FGF14: variants seen among roughly 807,000 people sequenced by gnomAD.
FGF14 encodes fibroblast growth factor 14.
Under a neutral mutation model 25.5 loss-of-function variants are expected in FGF14, and 5 were observed. The ratio of observed to expected loss-of-function variants is 0.20; its 90% CI spans 0.10 to 0.41. FGF14 has a LOEUF of 0.41. Among genes scored for constraint, FGF14 ranks in the 10% least tolerant of loss-of-function variants. The pLI is 1.00. For synonymous variants in FGF14, 138 were observed against 118.3 expected (o/e 1.17, Z -1.08); for missense variants, 222 against 320.1 (o/e 0.69, Z 2.34).
intron 1 of FGF14, among the ~76,000 whole-genome samples, chr13:101,884,062 C>CAAAAAAA (rs11315735): frequency 5.0e-4 from 19 of 37,828 alleles, no homozygotes; most frequent in Admixed American, 7.9e-4. Context: ...GACTCCATCT[C>CAAAAAAA]AAAAAAAAAA....
chr13:102,398,682 T>C (rs577746683), intron 1 of FGF14, among the ~76,000 whole-genome samples: 1 of 152,076 alleles, frequency 6.6e-6, no homozygotes, highest in African/African-American at 2.4e-5. Flanking sequence ...ACTTTTTAGT[T>C]CTACTGCTAT....
chr13:101,743,793 C>T (rs752403919), intron 3 of FGF14, among the ~76,000 whole-genome samples: 7 of 151,498 alleles, frequency 4.6e-5, no homozygotes, highest in Admixed American at 6.6e-5. Flanking sequence ...TTAAGATATT[C>T]ATCCATTTTC....
At chr13:101,797,772 T>TGTGCGCGCGTGC (rs1555384573) in intron 3 of FGF14, among the ~76,000 whole-genome samples, 4 of 145,556 alleles carry the variant, frequency 2.7e-5, no homozygotes, top group Admixed American at 2.1e-4. Context: ...TGTGTGTGTG[T>TGTGCGCGCGTGC]GTGTGTGTGT....
intron 1 of FGF14, among the ~76,000 whole-genome samples, chr13:102,311,807 T>A (rs779068348): frequency 3.3e-5 from 5 of 152,106 alleles, no homozygotes; most frequent in Non-Finnish European, 5.9e-5. Context: ...TTCTTAGAAA[T>A]ACAGAAGGCA....
rs1555405583 is a variant in FGF14 at position 102,356,948 on chromosome 13, T to TAC, written c.208+44521_208+44522dup. Among the ~76,000 whole-genome samples the TAC allele has an allele frequency of 3.1e-3, 464 of 148,500 alleles. 4 individuals are homozygous for TAC. The highest frequency in any genetic ancestry group is 9.8e-3 in the African/African-American group (394 of 40,246). On this transcript the variant is annotated intron_variant, in intron 1 of 4. Coordinates refer to the FGF14 transcript ENST00000376131. ...AAATGCATATATATATATATATATA[T>TAC]ACACACAAACAGATATTCATATCTG...
At chr13:102,266,578 G>A (rs923228892) in intron 1 of FGF14, among the ~76,000 whole-genome samples, 4 of 151,776 alleles carry the variant, frequency 2.6e-5, no homozygotes, top group African/African-American at 7.3e-5. Flanking sequence ...ATAAACAGAA[G>A]CAAATTTATA....
intron 1 of FGF14, among the ~76,000 whole-genome samples, chr13:102,387,302 A>G (rs2058327378): frequency 6.6e-6 from 1 of 152,342 alleles, no homozygotes; most frequent in African/African-American, 2.4e-5. Context: ...TTCAAATTTT[A>G]TAACAGAAAA....
chr13:101,865,771 G>A (rs1392762468), intron 3 of FGF14, among the ~76,000 whole-genome samples: 6 of 152,112 alleles, frequency 3.9e-5, no homozygotes, highest in Admixed American at 3.9e-4. Flanking sequence ...ATTCAAATTA[G>A]ATGACCTGAG....
At chr13:101,835,066 G>C (rs1180377693) in intron 3 of FGF14, among the ~76,000 whole-genome samples, 2 of 152,006 alleles carry the variant, frequency 1.3e-5, no homozygotes, top group Non-Finnish European at 2.9e-5. Context: ...GGATAGCACT[G>C]CATTTAAAAT....
chr13:102,070,059 C>T (rs1001172894), intron 1 of FGF14, among the ~76,000 whole-genome samples: 2 of 152,172 alleles, frequency 1.3e-5, no homozygotes, highest in Non-Finnish European at 2.9e-5. Context: ...AATGCTTCTA[C>T]ACAGTAATGG....
chr13:102,207,251 G>A (rs551245021), intron 1 of FGF14, among the ~76,000 whole-genome samples: 1 of 152,004 alleles, frequency 6.6e-6, no homozygotes, highest in African/African-American at 2.4e-5. Flanking sequence ...CTGCACTCCA[G>A]CCTGGGAGAT....
In FGF14 at chr13:101,711,598, AG is replaced by A. The variant is rs2034469981; in HGVS notation, c.*11232del. On this transcript the variant is annotated 3_prime_UTR_variant, in exon 5 of 5. Transcript: ENST00000376143. ...TAAAAAGAAGAGTGGATTGAATCAG[AG>A]TGAAGTCTTCAGTTAACTGTTTGTT... is the stretch of plus-strand genomic sequence containing the variant. 6.6e-6 allele frequency: 1 copy of A among 152,362 alleles called. No homozygotes were observed. The highest frequency in any genetic ancestry group is 6.5e-5 in the Admixed American group (1 of 15,300). The allele number at this position is 152,362 out of a possible 1,614,324, so 9.4% of individuals were successfully genotyped here.
intron 1 of FGF14, among the ~76,000 whole-genome samples, chr13:102,265,739 A>G (rs906871535): frequency 6.6e-6 from 1 of 152,184 alleles, no homozygotes; most frequent in Non-Finnish European, 1.5e-5. Context: ...GAATTCCAGA[A>G]TACATTTTTC....
chr13:101,893,971 G>A (rs182414080), intron 1 of FGF14, among the ~76,000 whole-genome samples: 194 of 150,814 alleles, frequency 1.3e-3, no homozygotes, highest in Middle Eastern at 0.011. Flanking sequence ...GGTCCTCTGT[G>A]TTAGTGAAAG....
At chr13:102,096,822 G>T (rs1026929119) in intron 1 of FGF14, among the ~76,000 whole-genome samples, 1 of 152,054 alleles carries the variant, frequency 6.6e-6, no homozygotes, top group Admixed American at 6.6e-5. Context: ...AAAAGAAACT[G>T]GGCCATATAT....
At chr13:102,185,995 T>C (rs2048859315) in intron 1 of FGF14, among the ~76,000 whole-genome samples, 1 of 152,208 alleles carries the variant, frequency 6.6e-6, no homozygotes, top group Non-Finnish European at 1.5e-5. Flanking sequence ...AATAAAAGTA[T>C]ATTTAATAGA....
chr13:102,047,398 T>TA (rs920799986), intron 1 of FGF14, among the ~76,000 whole-genome samples: 4 of 151,514 alleles, frequency 2.6e-5, no homozygotes, highest in East Asian at 1.9e-4. Flanking sequence ...GCTATACCTT[T>TA]AAAAAAAAAT....
chr13:102,319,301 T>G (rs551958580), intron 1 of FGF14, among the ~76,000 whole-genome samples: 2 of 152,352 alleles, frequency 1.3e-5, no homozygotes, highest in Admixed American at 1.3e-4. Flanking sequence ...AATCCATGTC[T>G]AATCATAGTT....
At chr13:102,134,569 G>C (rs1207366218) in intron 1 of FGF14, among the ~76,000 whole-genome samples, 2 of 152,104 alleles carry the variant, frequency 1.3e-5, no homozygotes, top group African/African-American at 4.8e-5. Context: ...GAATCATTTT[G>C]GTGTAGAAAT....
Sources: allele counts gnomAD v4.1 joint callset (sites outside exome capture counted in the v4.1 genomes callset), GRCh38; gene constraint gnomAD v4.1.1; transcripts MANE v1.5; gene names NCBI Gene and HGNC (gene_info 2026-07-23, HGNC 2026-07-21).